SLC4A4: variants seen among roughly 807,000 people sequenced by gnomAD.
The protein encoded by SLC4A4 is solute carrier family 4 member 4.
SLC4A4 carries 27 observed loss-of-function variants against 111.5 expected under a neutral mutation model. The observed-to-expected ratio is 0.24, with a 90% CI of 0.18 to 0.33. SLC4A4 has a LOEUF of 0.33. SLC4A4 is among the 10% of genes least tolerant of loss of function. The pLI, the probability that SLC4A4 is intolerant of heterozygous loss-of-function variation, is 1.00. For synonymous variants in SLC4A4, 443 were observed against 463.4 expected, an observed-to-expected ratio of 0.96 and a Z score of 0.57; for missense variants, 909 against 1,315.5, an observed-to-expected ratio of 0.69 and a Z score of 4.78.
intron 1 of SLC4A4, among the ~76,000 whole-genome samples, chr4:71,232,033 G>A (rs150060527): frequency 1.3e-5 from 2 of 152,206 alleles, no homozygotes; most frequent in African/African-American, 4.8e-5. Context: ...CACCAGGCTG[G>A]ACTTACTTCT....
chr4:71,144,135 A>G (rs903493062), intron 2 of SLC4A4, among the ~76,000 whole-genome samples: 8 of 152,152 alleles, frequency 5.3e-5, no homozygotes, highest in South Asian at 2.1e-4. Flanking sequence ...AAGGTGTAAG[A>G]AAGGGATCCA....
intron 7 of SLC4A4, among the ~76,000 whole-genome samples, chr4:71,403,624 A>G (rs35713209): frequency 0.2 from 30,040 of 152,056 alleles, 3,317 homozygotes; most frequent in South Asian, 0.43. Flanking sequence ...AATGAAGATG[A>G]TGTGTTCAAG....
chr4:71,503,660 A>G (rs924919349), intron 16 of SLC4A4, among the ~76,000 whole-genome samples: 6 of 152,212 alleles, frequency 3.9e-5, no homozygotes, highest in Admixed American at 3.3e-4. Context: ...GTCACTAATT[A>G]TGGCTTTTCT....
At chr4:71,150,273 G>A (rs1744278676) in intron 2 of SLC4A4, among the ~76,000 whole-genome samples, 1 of 152,112 alleles carries the variant, frequency 6.6e-6, no homozygotes, top group African/African-American at 2.4e-5. Context: ...TTGGCTGAAG[G>A]TGGAATGGGT....
intron 2 of SLC4A4, among the ~76,000 whole-genome samples, chr4:71,164,036 A>C (rs999170808): frequency 6.6e-6 from 1 of 152,150 alleles, no homozygotes; most frequent in African/African-American, 2.4e-5. Context: ...ACCTGAGGTC[A>C]GGAGTTTGAG....
Position 71,255,324 on chromosome 4 carries a change from A to G in SLC4A4, c.178A>G (p.Ile60Val). The G allele has an allele frequency of 6.2e-7, 1 of 1,613,574 alleles. No homozygotes were observed. Among genetic ancestry groups the G allele is most frequent in the East Asian group, 2.2e-5 (1 of 44,860 alleles). Reference sequence around the variant, plus strand: ...CAAAGAAAAGAAGGAAAAGGAGAGAATCTCTGAGAACTACTCTGACAAATC... The same window carrying G: ...CAAAGAAAAGAAGGAAAAGGAGAGAGTCTCTGAGAACTACTCTGACAAATC... The part of the protein sequence containing the change: ...GHKEKKEKER[I>V]SENYSDKSDI... The change falls in exon 3 of 26, where the codon ATC (isoleucine) becomes GTC (valine). Residue 60 changes from isoleucine to valine, a missense_variant. Ile to Val is a conservative substitution (Grantham distance 29, BLOSUM62 3). Around this residue, in one of 7 missense-constraint regions of SLC4A4, gnomAD observed 117 missense variants for 154.2 expected, o/e 0.76. Coordinates refer to ENST00000264485, the MANE Select transcript of SLC4A4 (RefSeq NM_001098484.3).
chr4:71,440,100 A>G (rs777488642), intron 7 of SLC4A4, among the ~76,000 whole-genome samples: 1 of 151,924 alleles, frequency 6.6e-6, no homozygotes, highest in Non-Finnish European at 1.5e-5. Context: ...TGTCAAATGT[A>G]TTTCTTCAGA....
chr4:71,470,861 G>A (rs1239478507), intron 13 of SLC4A4, among the ~76,000 whole-genome samples: 3 of 151,880 alleles, frequency 2.0e-5, no homozygotes, highest in African/African-American at 7.2e-5. Context: ...CCCTGGGGAA[G>A]GTCAATCTTT....
At chr4:71,236,441 A>G (rs1326852598) in intron 1 of SLC4A4, 135 bp from the exon 2 acceptor site, 5 of 824,288 alleles carry the variant, frequency 6.1e-6, no homozygotes, top group South Asian at 4.6e-5. Flanking sequence ...AGTAGCAGAC[A>G]CCAGAAGAAG....
At chr4:71,067,753 C>CTT (rs900317408) in intron 1 of SLC4A4, among the ~76,000 whole-genome samples, 1 of 146,318 alleles carries the variant, frequency 6.8e-6, no homozygotes, top group African/African-American at 2.5e-5. Context: ...GCCTCTTAAA[C>CTT]TTTTTTTTTT....
intron 7 of SLC4A4, among the ~76,000 whole-genome samples, chr4:71,415,726 G>A (rs1364660428): frequency 6.6e-6 from 1 of 152,106 alleles, no homozygotes; most frequent in Non-Finnish European, 1.5e-5. Context: ...TTCCTGCTCT[G>A]TCACCCCCTT....
intron 8 of SLC4A4, among the ~76,000 whole-genome samples, chr4:71,445,054 G>A (rs2149066608): frequency 6.6e-6 from 1 of 152,256 alleles, no homozygotes; most frequent in Non-Finnish European, 1.5e-5. Context: ...CAGGAAAGAG[G>A]AATACTACTT....
chr4:71,534,316 G>T lies in SLC4A4; in HGVS notation c.2370G>T (p.Leu790Phe). 1 of 1,613,592 alleles carries T rather than the reference G, an allele frequency of 6.2e-7. No homozygotes were observed. The highest frequency in any genetic ancestry group is 8.5e-7 in the Non-Finnish European group (1 of 1,179,752). Residue 790 changes from leucine (L) to phenylalanine (F), a missense_variant, in exon 18 of 26, where the codon TTG (leucine) becomes TTT (phenylalanine). Around this residue, in one of 7 missense-constraint regions of SLC4A4, gnomAD observed 264 missense variants for 356.8 expected, o/e 0.74. Transcript: ENST00000264485. Reference protein sequence around the residue: ...VCLAAAIPALLVTILIFMDQQ... With the variant: ...VCLAAAIPALFVTILIFMDQQ... ...TTGCTGCTGCTATCCCGGCTTTGTTGGTCACTATACTGATTTTCATGGACC... is the reference window on the plus strand; with the variant it reads ...TTGCTGCTGCTATCCCGGCTTTGTTTGTCACTATACTGATTTTCATGGACC...
chr4:71,070,371 T>C (rs2148929853), intron 1 of SLC4A4, among the ~76,000 whole-genome samples: 1 of 152,326 alleles, frequency 6.6e-6, no homozygotes, highest in Middle Eastern at 3.4e-3. Context: ...CTTTACCTTG[T>C]CAGACGAGTC....
At chr4:71,097,101 T>C (rs1742580062) in intron 2 of SLC4A4, among the ~76,000 whole-genome samples, 1 of 152,200 alleles carries the variant, frequency 6.6e-6, no homozygotes, top group Non-Finnish European at 1.5e-5. Flanking sequence ...GGGTTTTTTG[T>C]ACAGATTATT....
intron 1 of SLC4A4, among the ~76,000 whole-genome samples, chr4:71,222,304 T>A (rs1362806235): frequency 6.6e-6 from 1 of 152,224 alleles, no homozygotes; most frequent in Non-Finnish European, 1.5e-5. Context: ...TTCTCTCACA[T>A]AACTGCAAGT....
chr4:71,307,044 G>A lies in SLC4A4; in HGVS notation c.254-32326G>A, dbSNP rs148757132. Among the ~76,000 whole-genome samples the A allele has an allele frequency of 3.5e-3, 526 of 152,282 alleles. 7 individuals carry two copies. Among genetic ancestry groups the A allele is most frequent in the African/African-American group, 0.012 (504 of 41,554 alleles). ...AAACTGTTTAATGCGCGGTAGGAAA[G>A]CCAAGTAAGCCTGAAGCATTTAGAA... On this transcript the variant is annotated intron_variant, in intron 3 of 25. Transcript: ENST00000264485.
intron 14 of SLC4A4, among the ~76,000 whole-genome samples, chr4:71,476,940 G>A (rs2149114868): frequency 6.6e-6 from 1 of 151,792 alleles, no homozygotes; most frequent in East Asian, 2.0e-4. Flanking sequence ...ATTTCCCACT[G>A]TACTTTGATG....
intron 2 of SLC4A4, among the ~76,000 whole-genome samples, chr4:71,178,839 C>T (rs1578555922): frequency 2.0e-5 from 3 of 152,318 alleles, no homozygotes; most frequent in South Asian, 4.1e-4. Flanking sequence ...AGGGAATCCT[C>T]CCTAACTCAT....
Sources: gnomAD v4.1 joint callset for allele counts (sites outside exome capture counted in the v4.1 genomes callset) on GRCh38, gnomAD v4.1.1 for gene constraint, gnomAD v4.1.1 regional missense constraint, MANE v1.5 for transcripts, NCBI Gene and HGNC (gene_info 2026-07-23, HGNC 2026-07-21) for gene names.